Variants in FKBP8 observed in about 807,000 individuals in gnomAD.
The protein encoded by FKBP8 is peptidyl-prolyl cis-trans isomerase FKBP8.
FKBP8 carries 5 observed loss-of-function variants against 41.7 expected under a neutral mutation model. The observed-to-expected ratio is 0.12, with a 90% CI of 0.06 to 0.25. The LOEUF (loss-of-function observed/expected upper bound fraction) is 0.25, where lower values mean the gene tolerates loss of function less well. Among genes scored for constraint, FKBP8 ranks in the 10% least tolerant of loss-of-function variants. The probability of loss-of-function intolerance (pLI) is 1.00; values close to 1 mark genes in which losing one functional copy is unlikely to be tolerated. For synonymous variants in FKBP8, 279 were observed against 254.5 expected, an observed-to-expected ratio of 1.10 and a Z score of -0.92; for missense variants, 397 against 563.0, an observed-to-expected ratio of 0.71 and a Z score of 2.98.
rs771664117 is a variant in FKBP8 at position 18,541,750 on chromosome 19, C to T, written c.221G>A (p.Arg74Gln). The stretch of plus-strand genomic sequence containing the variant: ...GGGCTCCATGGCAGCAAGGAACTCT[C>T]GGGCCAGGGCCCCAGGCTGCTCAGC... ...EEAEQPGALA[R>Q]EFLAAMEPEP... Residue 74 changes from arginine (R) to glutamine (Q), a missense_variant, in exon 2 of 9, where the codon CGA becomes CAA. Coordinates refer to ENST00000608443, the MANE Select transcript of FKBP8 (RefSeq NM_012181.5). 1.3e-5 allele frequency: 21 copies of T among 1,613,772 alleles called. No individual in the cohort carries two copies. Among genetic ancestry groups the T allele is most frequent in the South Asian group, 5.5e-5 (5 of 91,072 alleles).
rs1352310646 is a variant in FKBP8, at chr19:18,532,067, G to A, written c.*102C>T. ...ATCCTTGCTCCCCTAACCCGGAGGAGGGGGCCAGACCAGGGAGGGCAGTGG... is the reference window on the plus strand; with the variant it reads ...ATCCTTGCTCCCCTAACCCGGAGGAAGGGGCCAGACCAGGGAGGGCAGTGG... On this transcript the variant is annotated 3_prime_UTR_variant, in exon 9 of 9. Transcript: ENST00000608443. The A allele has an allele frequency of 3.8e-6, 4 of 1,049,730 alleles. No individual in the cohort carries two copies. The highest frequency in any genetic ancestry group is 5.7e-6 in the Non-Finnish European group (4 of 697,408). 65.0% of individuals were successfully genotyped at this position (1,049,730 alleles called of 1,614,324 possible).
chr19:18,540,272 T>C (rs1159012431), intron 2 of FKBP8, among the ~76,000 whole-genome samples: 1 of 152,130 alleles, frequency 6.6e-6, no homozygotes, highest in Non-Finnish European at 1.5e-5. Context: ...TGTGACACAG[T>C]GTCCCCACCA....
chr19:18,536,067 G>A (rs1976568824), intron 6 of FKBP8: 1 of 152,060 alleles, frequency 6.6e-6, no homozygotes. Context: ...TGAGAACAAA[G>A]CCTTCAAAAA....
Position 18,532,097 on chromosome 19 carries a change from G to A in FKBP8, c.*72C>T, listed in dbSNP as rs762259240. The A allele has an allele frequency of 6.7e-6, 9 of 1,344,832 alleles. No individual in the cohort carries two copies. The highest frequency in any genetic ancestry group is 9.4e-6 in the Non-Finnish European group (9 of 960,366). 83.3% of individuals were successfully genotyped at this position (1,344,832 alleles called of 1,614,324 possible). A position where few individuals can be genotyped will look rare whatever the true frequency, so the allele number is the denominator to read the frequency against. ...CCAGACCAGGGAGGGCAGTGGACAG[G>A]GAGCCTGGGGGAGTTGGGGAGCGCA... is the stretch of plus-strand genomic sequence containing the variant. On this transcript the variant is annotated 3_prime_UTR_variant, in exon 9 of 9. Coordinates refer to ENST00000608443, the MANE Select transcript of FKBP8 (RefSeq NM_012181.5).
Position 18,537,605 on chromosome 19 carries a change from C to A in FKBP8, c.941G>T (p.Gly314Val). 6.3e-7 allele frequency: 1 copy of A among 1,594,990 alleles called. No individual in the cohort carries two copies. The highest frequency in any genetic ancestry group is 1.7e-5 in the Admixed American group (1 of 58,716). The part of the protein sequence containing the change: ...PDNIKALFRK[G>V]KVLAQQGEYS... ...TGGCACCCCGGTGTGGCCTACCTTG[C>A]CCTTGCGGAAGAGAGCCTTGATGTT... The change falls in exon 6 of 9, where the codon GGC (glycine) becomes GTC (valine). Residue 314 changes from glycine to valine, a missense_variant. Gly to Val is a moderately radical substitution (Grantham distance 109). This residue lies in a region of FKBP8 where 225 missense variants were observed against 366.8 expected (regional missense o/e 0.61). Transcript: ENST00000608443. This position sits in a 1 kb window ranked among gnomAD's most constrained non-coding sequence, Gnocchi z 4.4.
Position 18,539,319 on chromosome 19 carries a change from C to T in FKBP8, c.551+52G>A, listed in dbSNP as rs1600536745. 2.7e-6 allele frequency: 4 copies of T among 1,491,554 alleles called. No individual in the cohort carries two copies. The East Asian group carries it at 9.1e-5, about 34-fold the overall frequency. The allele number at this position is 1,491,554 out of a possible 1,614,324, so 92.4% of individuals were successfully genotyped here. ...GGTGAGCCGAGGGGTACACCCACTC[C>T]ACCCATCCCCCTCCTGAGACCTGCA... On this transcript the variant is annotated intron_variant, in intron 4 of 8. Transcript: ENST00000608443.
At position 18,539,469 on chromosome 19, in the gene FKBP8, GT is replaced by G; in HGVS notation, c.463-11del. The G allele has an allele frequency of 6.2e-7, 1 of 1,612,944 alleles. No individual in the cohort carries two copies. Among genetic ancestry groups the G allele is most frequent in the Non-Finnish European group, 8.5e-7 (1 of 1,179,594 alleles). On this transcript the variant is annotated splice_polypyrimidine_tract_variant and intron_variant, in intron 3 of 8. Transcript: ENST00000608443. ...CACTGAGATCCAGGGCCTGGGGTGT[GT>G]GGGGATAGCCAGCTGTCAGGCAGAC... is the stretch of plus-strand genomic sequence containing the variant.
At chr19:18,539,513 C>G (rs766150709) in intron 3 of FKBP8, 38 bp downstream of exon 3, 4 of 1,610,388 alleles carry the variant, frequency 2.5e-6, no homozygotes, top group Non-Finnish European at 3.4e-6. Context: ...CAGCAAGGCA[C>G]GCCCCTCGCC....
intron 4 of FKBP8, among the ~76,000 whole-genome samples, chr19:18,539,134 AT>A (rs1306257936): frequency 1.3e-5 from 2 of 151,936 alleles, no homozygotes; most frequent in Non-Finnish European, 2.9e-5. Flanking sequence ...TAATTTTTAA[AT>A]TTTTTTGTAT....
chr19:18,541,952 G>T lies in FKBP8; in HGVS notation c.19C>A (p.Pro7Thr). 6.2e-7 allele frequency: 1 copy of T among 1,613,916 alleles called. No individual in the cohort carries two copies. The highest frequency in any genetic ancestry group is 8.5e-7 in the Non-Finnish European group (1 of 1,179,888). The change falls in exon 2 of 9, where the codon CCC becomes ACC. Residue 7 changes from proline to threonine, a missense_variant. Pro to Thr is a conservative substitution (Grantham distance 38). This residue lies in a region of FKBP8 where 172 missense variants were observed against 196.2 expected (regional missense o/e 0.88). Coordinates refer to ENST00000608443, the MANE Select transcript of FKBP8 (RefSeq NM_012181.5). ...GGCAGTGGGGCAGAGGGCTCAGAGG[G>T]TTCAGCACACGATGCCATGCTGCTG... MASCAEPSEPSAPLPAG... is the reference protein window; with the variant it reads MASCAETSEPSAPLPAG...
Position 18,531,937 on chromosome 19 carries a change from G to T in FKBP8, c.*232C>A. 1 of 557,700 alleles carries T rather than the reference G, an allele frequency of 1.8e-6. No homozygotes were observed. The highest frequency in any genetic ancestry group is 3.0e-5 in the East Asian group (1 of 33,632). The allele number at this position is 557,700 out of a possible 1,614,324, so 34.5% of individuals were successfully genotyped here. On this transcript the variant is annotated 3_prime_UTR_variant, in exon 9 of 9. Coordinates refer to ENST00000608443, the MANE Select transcript of FKBP8 (RefSeq NM_012181.5). ...CGGAGACCTAGCCCAGCGGGGTAAG[G>T]AGGGTGGGGGAAAACTGGGTCTGAA...
chr19:18,540,116 C>T (rs1238380976), intron 2 of FKBP8, among the ~76,000 whole-genome samples: 1 of 152,030 alleles, frequency 6.6e-6, no homozygotes, highest in Admixed American at 6.6e-5. Flanking sequence ...AACCCAGTCT[C>T]CCCACCCTCC....
In FKBP8 at chr19:18,537,838, C is replaced by T. The variant is rs1976614039; in HGVS notation, c.773-65G>A. On this transcript the variant is annotated intron_variant, in intron 5 of 8. Transcript: ENST00000608443. This position sits in a 1 kb window ranked among gnomAD's most constrained non-coding sequence, Gnocchi z 4.4. ...GCCACCAGACACCCCGGCACCCACCCCTCTGCGGAGGCTGCCTCTCTGGCC... is the reference window on the plus strand; with the variant it reads ...GCCACCAGACACCCCGGCACCCACCTCTCTGCGGAGGCTGCCTCTCTGGCC... The T allele has an allele frequency of 6.6e-6, 10 of 1,513,952 alleles. No homozygotes were observed. The highest frequency in any genetic ancestry group is 8.9e-6 in the Non-Finnish European group (10 of 1,119,206). The allele number at this position is 1,513,952 out of a possible 1,614,324, so 93.8% of individuals were successfully genotyped here. A position where few individuals can be genotyped will look rare whatever the true frequency, so the allele number is the denominator to read the frequency against.
At position 18,539,589 on chromosome 19, in the gene FKBP8, C is replaced by T; in HGVS notation, c.424G>A (p.Glu142Lys). Residue 142 changes from glutamate (E) to lysine (K), a missense_variant, in exon 3 of 9, where the codon GAG becomes AAG. Transcript: ENST00000608443. Reference sequence around the variant, plus strand: ...CAGTCACCCAGAGTGAACACCAGCTCCGGCTCCTCCTGCACCCGTGTGCCA... The same window carrying T: ...CAGTCACCCAGAGTGAACACCAGCTTCGGCTCCTCCTGCACCCGTGTGCCA... Reference protein sequence around the residue: ...ENGTRVQEEPELVFTLGDCDV... With the variant: ...ENGTRVQEEPKLVFTLGDCDV... 6.2e-7 allele frequency: 1 copy of T among 1,613,314 alleles called. No homozygotes were observed. The highest frequency in any genetic ancestry group is 1.1e-5 in the South Asian group (1 of 91,088).
At chr19:18,542,039 C>A in intron 1 of FKBP8, 44 bp from the exon 2 acceptor site, 1 of 1,561,056 alleles carries the variant, frequency 6.4e-7, no homozygotes, top group Non-Finnish European at 8.6e-7. Flanking sequence ...CCTACACAGC[C>A]CCTCAAAGTC....
rs894461811 is a variant in FKBP8, at chr19:18,542,705, TCCCACCC to T, written c.-25-717_-25-711del. Among the ~76,000 whole-genome samples, 24 of 151,624 alleles carry T rather than the reference TCCCACCC, an allele frequency of 1.6e-4. 1 individual carries two copies. Among genetic ancestry groups the T allele is most frequent in the Non-Finnish European group, 3.4e-4 (23 of 67,918 alleles). On this transcript the variant is annotated intron_variant, in intron 1 of 8. Transcript: ENST00000608443. ...CCATCCTCCTCTCATCAGGCCTCGG[TCCCACCC>T]CCTCAAAGCAGCCTCCTTTCCAGGA...
In FKBP8 at chr19:18,532,201, C is replaced by A; in HGVS notation, c.1210G>T (p.Ala404Ser). 6.2e-7 allele frequency: 1 copy of A among 1,609,090 alleles called. No individual in the cohort carries two copies. The highest frequency in any genetic ancestry group is 8.5e-7 in the Non-Finnish European group (1 of 1,178,226). The change falls in exon 9 of 9, where the codon GCA becomes TCA. Residue 404 changes from alanine (A) to serine (S), a missense_variant. Coordinates refer to ENST00000608443, the MANE Select transcript of FKBP8 (RefSeq NM_012181.5). ...GATAVALGGVALSVVIAARN is the reference protein window; with the variant it reads ...GATAVALGGVSLSVVIAARN ...CTGGCAGCGATGACCACAGAGAGTG[C>A]CACACCCCCCAAGGCAACAGCAGTC...
At chr19:18,533,446 C>T in intron 6 of FKBP8, 99 bp from the exon 7 acceptor site, 1 of 776,828 alleles carries the variant, frequency 1.3e-6, no homozygotes. Context: ...GATGGTGTCA[C>T]TGCACTCCAG....
At chr19:18,534,485 G>C (rs1433599781) in intron 6 of FKBP8, among the ~76,000 whole-genome samples, 1 of 152,096 alleles carries the variant, frequency 6.6e-6, no homozygotes, top group Non-Finnish European at 1.5e-5. Flanking sequence ...CCTCCTTCCT[G>C]TCTCAGCTGC....
Sources: allele counts gnomAD v4.1 joint callset (sites outside exome capture counted in the v4.1 genomes callset), GRCh38; gene constraint gnomAD v4.1.1; regional missense constraint gnomAD v4.1.1; non-coding constraint Gnocchi (gnomAD v3.1); transcripts MANE v1.5; gene names NCBI Gene and HGNC (gene_info 2026-07-23, HGNC 2026-07-21).